Variants in OR9Q1 observed in about 807,000 individuals in gnomAD.
OR9Q1 encodes the protein olfactory receptor 9Q1.
For synonymous variants in OR9Q1, 153 were observed against 148.6 expected (o/e 1.03, Z -0.22); for missense variants, 374 against 378.8 (o/e 0.99, Z 0.11).
At chr11:58,031,400 G>A in intron 1 of OR9Q1, 1 of 1,614,176 alleles carries the variant, frequency 6.2e-7, no homozygotes, top group Non-Finnish European at 8.5e-7. Flanking sequence ...CCGTCTGGCA[G>A]CTGCCTGTTG....
chr11:58,082,205 A>C (rs1044808994), intron 2 of OR9Q1, among the ~76,000 whole-genome samples: 1 of 152,130 alleles, frequency 6.6e-6, no homozygotes, highest in African/African-American at 2.4e-5. Context: ...TCGGTGTGGC[A>C]ATTCCTCAGG....
chr11:58,085,246 A>G (rs1005221613), intron 2 of OR9Q1, among the ~76,000 whole-genome samples: 2 of 151,836 alleles, frequency 1.3e-5, no homozygotes, highest in Non-Finnish European at 2.9e-5. Context: ...AGCTTTGTTG[A>G]GGTATAATTA....
intron 2 of OR9Q1, among the ~76,000 whole-genome samples, chr11:58,090,746 A>C (rs1372317850): frequency 6.6e-6 from 1 of 152,046 alleles, no homozygotes; most frequent in African/African-American, 2.4e-5. Flanking sequence ...CCTCTAGTAG[A>C]ATTTGGTTGT....
chr11:58,041,903 A>T (rs1853168264), intron 1 of OR9Q1, among the ~76,000 whole-genome samples: 1 of 152,184 alleles, frequency 6.6e-6, no homozygotes, highest in African/African-American at 2.4e-5. Flanking sequence ...CATGCATCAG[A>T]CTATCATGAA....
At chr11:58,172,078 T>C (rs1854560826) in intron 2 of OR9Q1, among the ~76,000 whole-genome samples, 1 of 152,226 alleles carries the variant, frequency 6.6e-6, no homozygotes, top group Non-Finnish European at 1.5e-5. Context: ...AACAGATTTA[T>C]GAGTACTGCC....
At chr11:58,046,723 C>T (rs373088702) in intron 1 of OR9Q1, among the ~76,000 whole-genome samples, 27 of 152,038 alleles carry the variant, frequency 1.8e-4, no homozygotes, top group Middle Eastern at 3.4e-3. Context: ...GTTAGCTGGG[C>T]GTGGTAGTGG....
At chr11:58,178,744 G>A (rs1398150713) in intron 2 of OR9Q1, among the ~76,000 whole-genome samples, 1 of 151,690 alleles carries the variant, frequency 6.6e-6, no homozygotes, top group African/African-American at 2.4e-5. Context: ...GTGCACCCCT[G>A]TTCTGAGAAT....
intron 2 of OR9Q1, among the ~76,000 whole-genome samples, chr11:58,121,306 T>C (rs1854030148): frequency 6.6e-6 from 1 of 152,224 alleles, no homozygotes; most frequent in African/African-American, 2.4e-5. Context: ...CATAATACCA[T>C]GTTCCAAGTC....
At chr11:58,039,121 C>A (rs1853135165) in intron 1 of OR9Q1, among the ~76,000 whole-genome samples, 1 of 152,138 alleles carries the variant, frequency 6.6e-6, no homozygotes, top group South Asian at 2.1e-4. Flanking sequence ...TCCCAAGTAA[C>A]TGGGACTATA....
Position 58,180,082 on chromosome 11 carries a change from T to G in OR9Q1, c.638T>G (p.Val213Gly). The change falls in exon 3 of 3, where the codon GTG becomes GGG. Residue 213 changes from valine to glycine, a missense_variant. Val to Gly is a moderately radical substitution (Grantham distance 109, BLOSUM62 -3). Transcript: ENST00000335397. ...TTTGTCATCCCTGCTTCCATGGTGG[T>G]GATCTTGGTGTCCTACCTGTTTATC... ...AIFVIPASMV[V>G]ILVSYLFIIV... The G allele has an allele frequency of 1.9e-6, 3 of 1,614,042 alleles. No individual in the cohort carries two copies. The highest frequency in any genetic ancestry group is 2.5e-6 in the Non-Finnish European group (3 of 1,179,980).
In OR9Q1 at chr11:58,118,874, C is replaced by T. The variant is rs1327130450; in HGVS notation, c.-14-60557C>T. 10 of 1,613,902 alleles carry T rather than the reference C, an allele frequency of 6.2e-6. No individual in the cohort carries two copies. The South Asian group carries it at 6.6e-5, about 11-fold the overall frequency. On this transcript the variant is annotated intron_variant, in intron 2 of 2. Transcript: ENST00000335397. The stretch of plus-strand genomic sequence containing the variant: ...ATGACAATCTCGATGTTTGCTGTGT[C>T]ACTGCAGGCAAGCTTCAGCAGGGGT...
chr11:58,131,684 GGTTA>G (rs1343115351), intron 2 of OR9Q1, among the ~76,000 whole-genome samples: 3 of 152,008 alleles, frequency 2.0e-5, no homozygotes, highest in Admixed American at 6.6e-5. Context: ...CAAGATTGGG[GGTTA>G]GTTTTTTCTT....
At chr11:58,144,419 T>A (rs1854280334) in intron 2 of OR9Q1, 1 of 150,670 alleles carries the variant, frequency 6.6e-6, no homozygotes, top group Non-Finnish European at 1.5e-5. Context: ...GCCATAAAAA[T>A]TTATCTTTAA....
chr11:58,119,595 C>A (rs1854005911), intron 2 of OR9Q1: 4 of 590,638 alleles, frequency 6.8e-6, no homozygotes, highest in African/African-American at 5.6e-5. Flanking sequence ...CTGAAACTGG[C>A]TGATTTTCCT....
chr11:58,114,918 G>T (rs765265869), intron 2 of OR9Q1, among the ~76,000 whole-genome samples: 1 of 152,122 alleles, frequency 6.6e-6, no homozygotes, highest in Non-Finnish European at 1.5e-5. Context: ...GGTTTGAGCA[G>T]GTTGGTCTCA....
chr11:58,180,706 A>T lies in OR9Q1; in HGVS notation c.*329A>T, dbSNP rs990701017. On this transcript the variant is annotated 3_prime_UTR_variant, in exon 3 of 3. Coordinates refer to ENST00000335397, the MANE Select transcript of OR9Q1 (RefSeq NM_001005212.4). The stretch of plus-strand genomic sequence containing the variant: ...AAATTTTTAATGAAAGATTTTCATC[A>T]TATAGAAATGTTAAAAATAATATGT... The T allele has an allele frequency of 1.1e-4, 23 of 205,346 alleles. No homozygotes were observed. In the Admixed American group the frequency reaches 1.2e-3, roughly 11 times the overall value. The allele number at this position is 205,346 out of a possible 1,614,324, so 12.7% of individuals were successfully genotyped here.
intron 2 of OR9Q1, among the ~76,000 whole-genome samples, chr11:58,060,854 G>A (rs1853374259): frequency 1.3e-5 from 2 of 152,078 alleles, no homozygotes; most frequent in Middle Eastern, 3.4e-3. Flanking sequence ...GTTTATTGAG[G>A]AGTCCCAAAC....
chr11:58,101,925 T>C (rs1273561244), intron 2 of OR9Q1, among the ~76,000 whole-genome samples: 2 of 152,132 alleles, frequency 1.3e-5, no homozygotes, highest in African/African-American at 2.4e-5. Context: ...TTTGTATTTT[T>C]AGTACAGACG....
At chr11:58,031,380 G>T in intron 1 of OR9Q1, 1 of 1,614,136 alleles carries the variant, frequency 6.2e-7, no homozygotes, top group South Asian at 1.1e-5. Flanking sequence ...GTGTCCTGGG[G>T]CACCTGCATC....
Sources: allele counts gnomAD v4.1 joint callset (sites outside exome capture counted in the v4.1 genomes callset), GRCh38; gene constraint gnomAD v4.1.1; transcripts MANE v1.5; gene names NCBI Gene and HGNC (gene_info 2026-07-23, HGNC 2026-07-21).